RASGRF1: variants seen among roughly 807,000 people sequenced by gnomAD.
RASGRF1 encodes ras-specific guanine nucleotide-releasing factor 1.
A neutral mutation model predicts 138.7 loss-of-function variants in RASGRF1; 40 were observed. The observed-to-expected ratio is 0.29, with a 90% CI of 0.22 to 0.38. The LOEUF (loss-of-function observed/expected upper bound fraction) is 0.38. Ranked by LOEUF, RASGRF1 falls within the 10% of genes least tolerant of loss-of-function variation. The pLI is 1.00. For missense variants in RASGRF1, 1,108 were observed against 1,650.4 expected, an observed-to-expected ratio of 0.67 and a Z score of 5.69; for synonymous variants, 614 against 663.2, an observed-to-expected ratio of 0.93 and a Z score of 1.14.
At chr15:79,043,091 G>T (rs560630962) in intron 5 of RASGRF1, among the ~76,000 whole-genome samples, 1 of 152,150 alleles carries the variant, frequency 6.6e-6, no homozygotes, top group African/African-American at 2.4e-5. Context: ...AACCAGCCTC[G>T]TCAGACTTGC....
intron 13 of RASGRF1, among the ~76,000 whole-genome samples, chr15:79,007,251 A>G (rs75534050): frequency 0.043 from 6,545 of 152,290 alleles, 236 homozygotes; most frequent in Non-Finnish European, 0.066. Flanking sequence ...TGAGGTCAGC[A>G]GCCTCTACAG....
At chr15:79,080,204 C>T (rs2057896775) in intron 1 of RASGRF1, among the ~76,000 whole-genome samples, 2 of 152,256 alleles carry the variant, frequency 1.3e-5, no homozygotes, top group Non-Finnish European at 2.9e-5. Context: ...CTTGCTTCTC[C>T]TCACTGGTGC....
Position 79,027,941 on chromosome 15 carries a change from A to C in RASGRF1, c.1263-82T>G. Reference sequence around the variant, plus strand: ...GCGAGAATGCCAGGCTTCTGGCCAGACCTAGGAAGAAAGCCTGGCACAAGG... The same window carrying C: ...GCGAGAATGCCAGGCTTCTGGCCAGCCCTAGGAAGAAAGCCTGGCACAAGG... On this transcript the variant is annotated intron_variant, in intron 8 of 26. Transcript: ENST00000558480. The surrounding 1 kb of genome is among the most constrained non-coding windows in gnomAD (Gnocchi z 4.8). 1 of 1,373,950 alleles carries C rather than the reference A, an allele frequency of 7.3e-7. No individual in the cohort carries two copies. Among genetic ancestry groups the C allele is most frequent in the Non-Finnish European group, 1.0e-6 (1 of 971,826 alleles). 85.1% of individuals were successfully genotyped at this position (1,373,950 alleles called of 1,614,324 possible). A position where few individuals can be genotyped will look rare whatever the true frequency, so the allele number is the denominator to read the frequency against.
At chr15:78,991,513 T>C (rs28567804) in intron 21 of RASGRF1, among the ~76,000 whole-genome samples, 178 bp downstream of exon 21, 2,384 of 152,160 alleles carry the variant, frequency 0.016, 25 homozygotes, top group Middle Eastern at 0.024. Flanking sequence ...AAGGAGAGAA[T>C]TTGGTGGGCA....
At chr15:78,981,022 C>T (rs1021852385) in intron 23 of RASGRF1, 1 of 240,404 alleles carries the variant, frequency 4.2e-6, no homozygotes, top group Non-Finnish European at 7.9e-6. Flanking sequence ...GGGTGACTCC[C>T]AGGAGCCTGC....
At chr15:79,082,535 T>C (rs996521923) in intron 1 of RASGRF1, among the ~76,000 whole-genome samples, 1 of 152,170 alleles carries the variant, frequency 6.6e-6, no homozygotes, top group African/African-American at 2.4e-5. Flanking sequence ...TTGGTTGTTA[T>C]TGCAGCACAA....
In RASGRF1 at chr15:78,973,176, C is replaced by A; in HGVS notation, c.3612+127G>T. 1 of 707,128 alleles carries A rather than the reference C, an allele frequency of 1.4e-6. No homozygotes were observed. Among genetic ancestry groups the A allele is most frequent in the East Asian group, 2.6e-5 (1 of 37,966 alleles). 43.8% of individuals were successfully genotyped at this position (707,128 alleles called of 1,614,324 possible). ...TGGCTGTCATTGGGGAAGCTGGACC[C>A]AGGCTCCCAAATGGGGGCACCCTAT... On this transcript the variant is annotated intron_variant, in intron 25 of 26. Transcript: ENST00000558480. The surrounding 1 kb of genome is among the most constrained non-coding windows in gnomAD (Gnocchi z 4.9).
At chr15:79,063,132 A>G (rs1344955650) in intron 2 of RASGRF1, among the ~76,000 whole-genome samples, 1 of 152,154 alleles carries the variant, frequency 6.6e-6, no homozygotes, top group Non-Finnish European at 1.5e-5. Context: ...CTCAGCCTCT[A>G]TACACCAGAG....
chr15:79,071,733 C>T (rs972882792), intron 1 of RASGRF1, among the ~76,000 whole-genome samples: 3 of 152,068 alleles, frequency 2.0e-5, no homozygotes, highest in African/African-American at 7.2e-5. Context: ...GTGTCCCCTT[C>T]CCAGGTCTTC....
chr15:79,002,678 A>G (rs1223796024), intron 15 of RASGRF1, among the ~76,000 whole-genome samples: 2 of 152,220 alleles, frequency 1.3e-5, no homozygotes, highest in Admixed American at 6.5e-5. Context: ...CAGAATGTGA[A>G]ATTATGAAAT....
chr15:79,019,657 TCA>T (rs1353430453), intron 11 of RASGRF1, among the ~76,000 whole-genome samples: 2 of 152,168 alleles, frequency 1.3e-5, no homozygotes, highest in Non-Finnish European at 2.9e-5. Context: ...CTTGTGCATG[TCA>T]CACACAGGTG....
intron 1 of RASGRF1, among the ~76,000 whole-genome samples, chr15:79,081,665 G>T (rs2057915830): frequency 6.6e-6 from 1 of 152,148 alleles, no homozygotes; most frequent in African/African-American, 2.4e-5. Flanking sequence ...TCTCCTGTGT[G>T]CCAGCAGGGA....
At chr15:79,036,218 G>A (rs1375458682) in intron 5 of RASGRF1, among the ~76,000 whole-genome samples, 1 of 152,196 alleles carries the variant, frequency 6.6e-6, no homozygotes, top group Admixed American at 6.5e-5. Context: ...TACCGCCTTG[G>A]AGACGTGGGG....
intron 1 of RASGRF1, among the ~76,000 whole-genome samples, chr15:79,075,074 C>A (rs546060885): frequency 1.9e-4 from 29 of 152,192 alleles, no homozygotes; most frequent in Admixed American, 8.5e-4. Context: ...TATCCCTAGA[C>A]CTGCGAGTCT....
At chr15:79,075,298 G>A (rs773877962) in intron 1 of RASGRF1, among the ~76,000 whole-genome samples, 3 of 152,290 alleles carry the variant, frequency 2.0e-5, no homozygotes, top group South Asian at 4.2e-4. Flanking sequence ...ACTCACATGT[G>A]GGCCCTTGTC....
intron 3 of RASGRF1, among the ~76,000 whole-genome samples, chr15:79,056,239 C>T (rs1400063835): frequency 6.6e-6 from 1 of 152,176 alleles, no homozygotes; most frequent in Non-Finnish European, 1.5e-5. Flanking sequence ...AGGATGAGGT[C>T]AGTGGTAGGT....
At chr15:79,024,500 C>T (rs2057017124) in intron 10 of RASGRF1, among the ~76,000 whole-genome samples, 1 of 152,114 alleles carries the variant, frequency 6.6e-6, no homozygotes, top group South Asian at 2.1e-4. Context: ...GCTGTGTCCC[C>T]ACCCAAATCT....
chr15:79,079,222 T>C (rs948209208), intron 1 of RASGRF1, among the ~76,000 whole-genome samples: 8 of 152,180 alleles, frequency 5.3e-5, no homozygotes, highest in African/African-American at 1.9e-4. Context: ...CACAAACATC[T>C]TTCGATCTGT....
chr15:79,040,727 A>C lies in RASGRF1; in HGVS notation c.879-5517T>G, dbSNP rs2057286958. On this transcript the variant is annotated intron_variant, in intron 5 of 26. Transcript: ENST00000558480. ...AAGTTTTGGTAAAAAAAAATTGGGA[A>C]GTTTTCCACTTTTATCATATGTTCT... is the stretch of plus-strand genomic sequence containing the variant. Among the ~76,000 whole-genome samples, 3 of 152,234 alleles carry C rather than the reference A, an allele frequency of 2.0e-5. No homozygotes were observed. In the South Asian group the frequency reaches 6.2e-4, roughly 31 times the overall value.
Sources: gnomAD v4.1 joint callset for allele counts (sites outside exome capture counted in the v4.1 genomes callset) on GRCh38, gnomAD v4.1.1 for gene constraint, Gnocchi (gnomAD v3.1) non-coding constraint, MANE v1.5 for transcripts, NCBI Gene and HGNC (gene_info 2026-07-23, HGNC 2026-07-21) for gene names.